Variants in PFDN1 observed in about 807,000 individuals in gnomAD.
PFDN1 encodes the protein prefoldin subunit 1.
Under a neutral mutation model 17.3 loss-of-function variants are expected in PFDN1, and 6 were observed. The ratio of observed to expected loss-of-function variants is 0.35; its 90% CI spans 0.19 to 0.69. The LOEUF (loss-of-function observed/expected upper bound fraction) is 0.69, where lower values mean the gene tolerates loss of function less well. PFDN1 is among the 30% of genes least tolerant of loss of function. The probability of loss-of-function intolerance (pLI) is 0.65; values close to 1 mark genes in which losing one functional copy is unlikely to be tolerated. For synonymous variants in PFDN1, 58 were observed against 50.1 expected, an observed-to-expected ratio of 1.16 and a Z score of -0.67; for missense variants, 113 against 146.2, an observed-to-expected ratio of 0.77 and a Z score of 1.17.
At chr5:140,283,377 C>T (rs1474821695) in intron 2 of PFDN1, among the ~76,000 whole-genome samples, 2 of 152,082 alleles carry the variant, frequency 1.3e-5, no homozygotes, top group Non-Finnish European at 2.9e-5. Context: ...GGACTACAGG[C>T]GCCCACCACC....
intron 3 of PFDN1, among the ~76,000 whole-genome samples, chr5:140,264,199 G>C (rs1270587734): frequency 6.6e-6 from 1 of 152,040 alleles, no homozygotes; most frequent in African/African-American, 2.4e-5. Flanking sequence ...CAAGGGGATT[G>C]TGCTATGCCA....
intron 2 of PFDN1, among the ~76,000 whole-genome samples, chr5:140,297,535 A>G (rs893546986): frequency 1.6e-4 from 25 of 152,234 alleles, no homozygotes; most frequent in African/African-American, 5.8e-4. Context: ...TGCAGACAGC[A>G]CTAAAGTCAA....
At chr5:140,267,856 AAC>A (rs978498108) in intron 3 of PFDN1, among the ~76,000 whole-genome samples, 1 of 152,210 alleles carries the variant, frequency 6.6e-6, no homozygotes, top group African/African-American at 2.4e-5. Flanking sequence ...TTCATATAAA[AAC>A]AGACTATGTA....
intron 2 of PFDN1, among the ~76,000 whole-genome samples, chr5:140,299,897 A>T (rs1434989539): frequency 1.3e-5 from 2 of 151,942 alleles, no homozygotes; most frequent in Middle Eastern, 3.2e-3. Flanking sequence ...CCGTAATCCC[A>T]GTCACTCAGG....
chr5:140,278,587 A>AAAAAAC (rs1561508718), intron 3 of PFDN1, among the ~76,000 whole-genome samples: 2 of 131,784 alleles, frequency 1.5e-5, no homozygotes, highest in African/African-American at 2.9e-5. Flanking sequence ...AAAAAAAAAA[A>AAAAAAC]CAAAAAACAA....
intron 2 of PFDN1, among the ~76,000 whole-genome samples, chr5:140,296,457 G>A (rs1561519638): frequency 6.6e-6 from 1 of 152,162 alleles, no homozygotes; most frequent in African/African-American, 2.4e-5. Flanking sequence ...TTTACTAGCT[G>A]TAGGAACAAA....
In PFDN1 at chr5:140,254,183, C is replaced by G. The variant is rs1421227260; in HGVS notation, c.286-8126G>C. Among the ~76,000 whole-genome samples, 1 of 152,170 alleles carries G rather than the reference C, an allele frequency of 6.6e-6. No homozygotes were observed. Among genetic ancestry groups the G allele is most frequent in the Non-Finnish European group, 1.5e-5 (1 of 68,030 alleles). On this transcript the variant is annotated intron_variant, in intron 3 of 3. Coordinates refer to ENST00000261813, the MANE Select transcript of PFDN1 (RefSeq NM_002622.5). This position sits in a 1 kb window ranked among gnomAD's most constrained non-coding sequence, Gnocchi z 4.4. ...GTGTGGTGCAGATGAATGGGCACGGCTATGTTTCGAAAGCACAGAAACAGG... is the reference window on the plus strand; with the variant it reads ...GTGTGGTGCAGATGAATGGGCACGGGTATGTTTCGAAAGCACAGAAACAGG...
At chr5:140,281,643 A>T in intron 2 of PFDN1, 110 bp from the exon 3 acceptor site, 1 of 671,544 alleles carries the variant, frequency 1.5e-6, no homozygotes. Context: ...GGACAAATGC[A>T]TATTAACATA....
chr5:140,301,399 T>A (rs1765744008), intron 1 of PFDN1, among the ~76,000 whole-genome samples: 1 of 152,252 alleles, frequency 6.6e-6, no homozygotes, highest in Non-Finnish European at 1.5e-5. Flanking sequence ...AGTTCTTGGA[T>A]ACTTTTGTTG....
chr5:140,272,233 T>C (rs1765216578), intron 3 of PFDN1, among the ~76,000 whole-genome samples: 1 of 152,132 alleles, frequency 6.6e-6, no homozygotes. Context: ...TTGGCCAGGC[T>C]GGCCTTGAAC....
At chr5:140,268,517 C>G (rs1765163781) in intron 3 of PFDN1, among the ~76,000 whole-genome samples, 3 of 151,906 alleles carry the variant, frequency 2.0e-5, no homozygotes, top group Non-Finnish European at 2.9e-5. Context: ...TATGGTGGCG[C>G]ACCCTGTAAT....
At chr5:140,249,419 A>C (rs142044007) in intron 3 of PFDN1, among the ~76,000 whole-genome samples, 2 of 152,208 alleles carry the variant, frequency 1.3e-5, no homozygotes, top group African/African-American at 4.8e-5. Flanking sequence ...TTATTTGGGG[A>C]TAAGTATGAT....
intron 2 of PFDN1, among the ~76,000 whole-genome samples, chr5:140,283,267 C>A (rs894041018): frequency 1.3e-5 from 2 of 152,130 alleles, no homozygotes. Flanking sequence ...GAGTCTCGCT[C>A]TGTTGCCCAG....
intron 2 of PFDN1, among the ~76,000 whole-genome samples, chr5:140,287,849 A>C (rs572876553): frequency 1.3e-5 from 2 of 152,392 alleles, no homozygotes; most frequent in Middle Eastern, 3.4e-3. Context: ...TCAACATCAT[A>C]TGTTATTAGG....
chr5:140,279,260 T>C (rs748126096), intron 3 of PFDN1, among the ~76,000 whole-genome samples: 8 of 152,226 alleles, frequency 5.3e-5, no homozygotes, highest in African/African-American at 1.9e-4. Flanking sequence ...TGTTTAATCA[T>C]TTGTTTTATA....
intron 3 of PFDN1, among the ~76,000 whole-genome samples, chr5:140,260,155 T>C (rs958734329): frequency 6.6e-6 from 1 of 151,826 alleles, no homozygotes; most frequent in Admixed American, 6.6e-5. Flanking sequence ...CTGGGCAACA[T>C]AGCAAGACCT....
chr5:140,270,802 TG>T (rs1055280410), intron 3 of PFDN1, among the ~76,000 whole-genome samples: 5 of 151,788 alleles, frequency 3.3e-5, no homozygotes, highest in Non-Finnish European at 7.4e-5. Flanking sequence ...GGCGGGCGCC[TG>T]TAGTCCCAGC....
chr5:140,282,784 C>A (rs1561511500), intron 2 of PFDN1, among the ~76,000 whole-genome samples: 1 of 152,226 alleles, frequency 6.6e-6, no homozygotes, highest in African/African-American at 2.4e-5. Context: ...TTCCCCTCCA[C>A]TGGAACCAAG....
chr5:140,286,615 GGGGGGC>G (rs1765497681), intron 2 of PFDN1, among the ~76,000 whole-genome samples: 5 of 50,864 alleles, frequency 9.8e-5, no homozygotes, highest in African/African-American at 3.0e-4. Flanking sequence ...GGGGGGGGGG[GGGGGGC>G]GGGGGAGACA....
Sources: gnomAD v4.1 joint callset for allele counts (sites outside exome capture counted in the v4.1 genomes callset) on GRCh38, gnomAD v4.1.1 for gene constraint, Gnocchi (gnomAD v3.1) non-coding constraint, MANE v1.5 for transcripts, NCBI Gene and HGNC (gene_info 2026-07-23, HGNC 2026-07-21) for gene names.